The following COX7B2 variants were observed in gnomAD, a reference collection of about 807,000 sequenced individuals.
The protein encoded by COX7B2 is cytochrome c oxidase subunit 7B2, also known as cytochrome c oxidase subunit 7B2, mitochondrial.
For missense variants in COX7B2, 109 were observed against 95.9 expected (o/e 1.14, Z -0.57); for synonymous variants, 37 against 32.1 (o/e 1.15, Z -0.51).
intron 2 of COX7B2, among the ~76,000 whole-genome samples, chr4:46,818,903 T>A (rs1018997813): frequency 6.6e-6 from 1 of 152,232 alleles, no homozygotes; most frequent in Non-Finnish European, 1.5e-5. Flanking sequence ...TTTGGCTGTT[T>A]TCCCCCCAAC....
chr4:46,906,258 T>C (rs1720390287), intron 1 of COX7B2, among the ~76,000 whole-genome samples: 1 of 152,198 alleles, frequency 6.6e-6, no homozygotes, highest in South Asian at 2.1e-4. Context: ...AAAATCACTC[T>C]CAGCAGATTC....
At chr4:46,745,472 A>T (rs1714966451) in intron 2 of COX7B2, among the ~76,000 whole-genome samples, 1 of 152,168 alleles carries the variant, frequency 6.6e-6, no homozygotes, top group Admixed American at 6.5e-5. Context: ...CTTTCATAAC[A>T]TTTTGGAGAC....
At chr4:46,754,727 T>TATATATATAC (rs1560355658) in intron 2 of COX7B2, among the ~76,000 whole-genome samples, 2 of 98,844 alleles carry the variant, frequency 2.0e-5, no homozygotes, top group African/African-American at 9.1e-5. Flanking sequence ...TGTGTGTGTG[T>TATATATATAC]GTATATATAT....
intron 1 of COX7B2, among the ~76,000 whole-genome samples, chr4:46,908,419 AGCTTATTG>A (rs1165022363): frequency 6.6e-6 from 1 of 152,104 alleles, no homozygotes; most frequent in Non-Finnish European, 1.5e-5. Flanking sequence ...AGTCCCTCAA[AGCTTATTG>A]GCTTTTGCTC....
At chr4:46,881,772 G>A (rs1718760268) in intron 1 of COX7B2, among the ~76,000 whole-genome samples, 1 of 152,072 alleles carries the variant, frequency 6.6e-6, no homozygotes, top group Non-Finnish European at 1.5e-5. Flanking sequence ...GCAGTTTCCA[G>A]CTTGAGTTTT....
intron 2 of COX7B2, among the ~76,000 whole-genome samples, chr4:46,798,546 G>A (rs545365407): frequency 6.6e-6 from 1 of 152,176 alleles, no homozygotes; most frequent in African/African-American, 2.4e-5. Context: ...GTGAATCGCA[G>A]TGCAGGCCTT....
intron 2 of COX7B2, among the ~76,000 whole-genome samples, chr4:46,822,730 G>A (rs1349991201): frequency 6.6e-6 from 1 of 151,760 alleles, no homozygotes; most frequent in African/African-American, 2.4e-5. Context: ...GTATTTCATG[G>A]GCCTATTAAA....
At chr4:46,894,333 C>T (rs1719622535) in intron 1 of COX7B2, among the ~76,000 whole-genome samples, 1 of 152,052 alleles carries the variant, frequency 6.6e-6, no homozygotes, top group Admixed American at 6.6e-5. Flanking sequence ...AGAAATAAGG[C>T]TGCCCACCTA....
intron 1 of COX7B2, among the ~76,000 whole-genome samples, chr4:46,865,845 C>A (rs183082010): frequency 1.3e-5 from 2 of 152,164 alleles, no homozygotes; most frequent in African/African-American, 2.4e-5. Context: ...GAAAATCTCA[C>A]GACCATGTCT....
chr4:46,794,915 A>C (rs1718242676), intron 2 of COX7B2, among the ~76,000 whole-genome samples: 6 of 152,194 alleles, frequency 3.9e-5, no homozygotes, highest in Admixed American at 3.9e-4. Flanking sequence ...AAGCATAAAA[A>C]CAGAAAGTAA....
chr4:46,813,023 A>T (rs140035905), intron 2 of COX7B2, among the ~76,000 whole-genome samples: 308 of 152,128 alleles, frequency 2.0e-3, no homozygotes, highest in African/African-American at 7.1e-3. Flanking sequence ...CCAGATCATG[A>T]CTGTCCCCAC....
chr4:46,897,194 G>A (rs1719815079), intron 1 of COX7B2, among the ~76,000 whole-genome samples: 2 of 152,102 alleles, frequency 1.3e-5, no homozygotes, highest in African/African-American at 4.8e-5. Context: ...AACTGTCTGG[G>A]AATACAGGTC....
chr4:46,754,921 A>C (rs1577666088), intron 2 of COX7B2, among the ~76,000 whole-genome samples: 1 of 151,304 alleles, frequency 6.6e-6, no homozygotes, highest in Non-Finnish European at 1.5e-5. Flanking sequence ...TGCAGGAGTG[A>C]ATTCTCCCTA....
chr4:46,794,858 T>G (rs898914933), intron 2 of COX7B2, among the ~76,000 whole-genome samples: 1 of 152,160 alleles, frequency 6.6e-6, no homozygotes, highest in African/African-American at 2.4e-5. Context: ...TTTCTTGATC[T>G]GCAGAAGCAG....
chr4:46,895,585 C>T (rs1004442560), intron 1 of COX7B2, among the ~76,000 whole-genome samples: 10 of 152,172 alleles, frequency 6.6e-5, no homozygotes, highest in Admixed American at 3.3e-4. Flanking sequence ...TACAACAAAT[C>T]CGCATGACGC....
intron 1 of COX7B2, among the ~76,000 whole-genome samples, chr4:46,892,463 T>C (rs1306419867): frequency 6.6e-6 from 1 of 152,148 alleles, no homozygotes; most frequent in Non-Finnish European, 1.5e-5. Context: ...AACTGAAACA[T>C]GTAGTGACAT....
intron 1 of COX7B2, among the ~76,000 whole-genome samples, chr4:46,889,795 GAC>G (rs144422970): frequency 6.6e-6 from 1 of 151,670 alleles, no homozygotes; most frequent in African/African-American, 2.4e-5. Context: ...TACAATGACA[GAC>G]ACACACACAC....
intron 2 of COX7B2, among the ~76,000 whole-genome samples, chr4:46,828,630 C>T (rs1228402412): frequency 6.6e-6 from 1 of 151,818 alleles, no homozygotes; most frequent in South Asian, 2.1e-4. Flanking sequence ...CAGGCAATAA[C>T]GAAAAGAAGA....
intron 2 of COX7B2, among the ~76,000 whole-genome samples, chr4:46,754,720 G>GTATATATATATATATATATATA (rs1244503006): frequency 5.4e-5 from 2 of 36,856 alleles, no homozygotes; most frequent in Non-Finnish European, 8.9e-5. Flanking sequence ...GTGTGTGTGT[G>GTATATATATATATATATATATA]TGTGTGTGTA....
Sources: gnomAD v4.1 joint callset for allele counts (sites outside exome capture counted in the v4.1 genomes callset) on GRCh38, gnomAD v4.1.1 for gene constraint, MANE v1.5 for transcripts, NCBI Gene and HGNC (gene_info 2026-07-23, HGNC 2026-07-21) for gene names.